The following KCNK17 variants were observed in gnomAD, a reference collection of about 807,000 sequenced individuals.
KCNK17 encodes the protein potassium two pore domain channel subfamily K member 17, also known as potassium channel subfamily K member 17.
KCNK17 carries 27 observed loss-of-function variants against 24.6 expected under a neutral mutation model. The observed-to-expected ratio is 1.10, with a 90% CI of 0.81 to 1.51. The LOEUF (loss-of-function observed/expected upper bound fraction) is 1.51. KCNK17 is among the 40% of genes most tolerant of loss of function. KCNK17 has a pLI of 0.00. For synonymous variants in KCNK17, 181 were observed against 189.8 expected (o/e 0.95, Z 0.38); for missense variants, 450 against 436.6 (o/e 1.03, Z -0.27).
intron 2 of KCNK17, among the ~76,000 whole-genome samples, chr6:39,309,843 C>T (rs546594957): frequency 1.3e-5 from 2 of 152,280 alleles, no homozygotes; most frequent in South Asian, 2.1e-4. Context: ...AAAGATGAAT[C>T]GGCCCATCCT....
intron 2 of KCNK17, among the ~76,000 whole-genome samples, chr6:39,309,256 G>A (rs147473971): frequency 0.014 from 2,091 of 152,294 alleles, 42 homozygotes; most frequent in Admixed American, 0.04. Flanking sequence ...CCTGGGAGGC[G>A]GAGGTTTCAG....
Position 39,310,888 on chromosome 6 carries a change from C to CA in KCNK17, c.352+4_352+5insT. 9 of 1,588,036 alleles carry CA rather than the reference C, an allele frequency of 5.7e-6. No homozygotes were observed. The highest frequency in any genetic ancestry group is 1.1e-5 in the South Asian group (1 of 89,414). ...CCCATCCCCCTGGCCCCATCTGGCC[C>CA]TTACCAATGGTGGTGATGGTGGACA... On this transcript the variant is annotated splice_donor_region_variant and intron_variant, in intron 2 of 4. Transcript: ENST00000373231.
intron 1 of KCNK17, among the ~76,000 whole-genome samples, chr6:39,313,550 C>A (rs1257176507): frequency 6.6e-6 from 1 of 152,226 alleles, no homozygotes; most frequent in Non-Finnish European, 1.5e-5. Flanking sequence ...CGCGCCCTCG[C>A]TCCTGCGCAT....
chr6:39,312,023 G>T (rs1180373974), intron 1 of KCNK17, among the ~76,000 whole-genome samples: 1 of 152,216 alleles, frequency 6.6e-6, no homozygotes, highest in Non-Finnish European at 1.5e-5. Flanking sequence ...GACCAGAGGG[G>T]AGAGACTCCT....
chr6:39,299,779 TC>T, intron 4 of KCNK17, 42 bp from the exon 5 acceptor site: 1 of 1,583,966 alleles, frequency 6.3e-7, no homozygotes, highest in Non-Finnish European at 8.6e-7. Context: ...CCTGGGAAAG[TC>T]AGGACCACAT....
rs1158747073 is a variant in KCNK17, at chr6:39,314,310, G to A, written c.11C>T (p.Pro4Leu). ...GCCCTCGGGAGCCGCCCGGGCTCGC[G>A]GTCGGTACATAGCGGGAGAGGCGGG... MYR[P>L]RARAAPEGRV... The change falls in exon 1 of 5, where the codon CCG (proline) becomes CTG (leucine). Residue 4 changes from proline (P) to leucine (L), a missense_variant. By Grantham distance (98) the Pro-to-Leu change is moderately conservative (BLOSUM62 -3). Transcript: ENST00000373231. The A allele has an allele frequency of 1.5e-5, 22 of 1,459,406 alleles. No homozygotes were observed. In the African/African-American group the frequency reaches 3.2e-4, roughly 21 times the overall value. 90.4% of individuals were successfully genotyped at this position (1,459,406 alleles called of 1,614,324 possible).
chr6:39,306,560 C>T (rs1762039542), intron 2 of KCNK17, among the ~76,000 whole-genome samples: 2 of 152,276 alleles, frequency 1.3e-5, no homozygotes, highest in South Asian at 2.1e-4. Flanking sequence ...GGTCACTGTG[C>T]CCACACACCC....
chr6:39,309,960 G>T (rs575747664), intron 2 of KCNK17, among the ~76,000 whole-genome samples: 1 of 152,310 alleles, frequency 6.6e-6, no homozygotes, highest in South Asian at 2.1e-4. Context: ...CTGCTTTCAA[G>T]AAGTTCTGGC....
In KCNK17 at chr6:39,311,010, G is replaced by T. The variant is rs1297772613; in HGVS notation, c.238-3C>A. 7 of 1,594,244 alleles carry T rather than the reference G, an allele frequency of 4.4e-6. No individual in the cohort carries two copies. Among genetic ancestry groups the T allele is most frequent in the South Asian group, 1.1e-5 (1 of 89,650 alleles). ...TTTTTGTATGCTTGGACGACATCCTGGGGAAGAGGCTGCAATGACCACCAG... is the reference window on the plus strand; with the variant it reads ...TTTTTGTATGCTTGGACGACATCCTTGGGAAGAGGCTGCAATGACCACCAG... On this transcript the variant is annotated splice_region_variant and splice_polypyrimidine_tract_variant and intron_variant, in intron 1 of 4. Transcript: ENST00000373231.
At chr6:39,300,780 G>C (rs1338828373) in intron 4 of KCNK17, among the ~76,000 whole-genome samples, 1 of 151,998 alleles carries the variant, frequency 6.6e-6, no homozygotes, top group Non-Finnish European at 1.5e-5. Context: ...CTGGGCTTTT[G>C]TACTTATGGC....
rs1762225793 is a variant in KCNK17 at position 39,314,290 on chromosome 6, C to T, written c.31G>A (p.Glu11Lys). The T allele has an allele frequency of 5.4e-6, 8 of 1,470,110 alleles. No individual in the cohort carries two copies. Among genetic ancestry groups the T allele is most frequent in the Middle Eastern group, 2.1e-4 (1 of 4,852 alleles). 91.1% of individuals were successfully genotyped at this position (1,470,110 alleles called of 1,614,324 possible). ...ACCGCGCAGCCCCGGACCCTGCCCT[C>T]GGGAGCCGCCCGGGCTCGCGGTCGG... MYRPRARAAP[E>K]GRVRGCAVPS... The change falls in exon 1 of 5, where the codon GAG becomes AAG. Residue 11 changes from glutamate (E) to lysine (K), a missense_variant. Coordinates refer to ENST00000373231, the MANE Select transcript of KCNK17 (RefSeq NM_031460.4).
chr6:39,314,277 C>T lies in KCNK17; in HGVS notation c.44G>A (p.Arg15Gln), dbSNP rs936039113. 3 of 1,500,940 alleles carry T rather than the reference C, an allele frequency of 2.0e-6. No homozygotes were observed. The highest frequency in any genetic ancestry group is 2.1e-5 in the Admixed American group (1 of 47,304). The allele number at this position is 1,500,940 out of a possible 1,614,324, so 93.0% of individuals were successfully genotyped here. A position where few individuals can be genotyped will look rare whatever the true frequency, so the allele number is the denominator to read the frequency against. ...RARAAPEGRV[R>Q]GCAVPSTVLL... ...CACGGTGCTGGGCACCGCGCAGCCCCGGACCCTGCCCTCGGGAGCCGCCCG... is the reference window on the plus strand; with the variant it reads ...CACGGTGCTGGGCACCGCGCAGCCCTGGACCCTGCCCTCGGGAGCCGCCCG... Residue 15 changes from arginine (R) to glutamine (Q), a missense_variant, in exon 1 of 5, where the codon CGG (arginine) becomes CAG (glutamine). Transcript: ENST00000373231.
In KCNK17 at chr6:39,304,550, T is replaced by C. The variant is rs745535456; in HGVS notation, c.458A>G (p.His153Arg). ...LNLVVLNRLG[H>R]LMQQGVNHWA... is the part of the protein sequence containing the mutation. ...GTGGTTTACTCCCTGCTGCATGAGATGCCCCAGTCGGTTGAGCACCACGAG... is the reference window on the plus strand; with the variant it reads ...GTGGTTTACTCCCTGCTGCATGAGACGCCCCAGTCGGTTGAGCACCACGAG... Residue 153 changes from histidine (H) to arginine (R), a missense_variant, in exon 3 of 5, where the codon CAT becomes CGT. Physicochemically the swap from His to Arg is conservative, Grantham distance 29 (BLOSUM62 0). Coordinates refer to ENST00000373231, the MANE Select transcript of KCNK17 (RefSeq NM_031460.4). 1.2e-5 allele frequency: 20 copies of C among 1,614,010 alleles called. No homozygotes were observed. The highest frequency in any genetic ancestry group is 3.3e-5 in the South Asian group (3 of 91,086).
chr6:39,314,306 T>A lies in KCNK17; in HGVS notation c.15A>T (p.Arg5=). 6.9e-7 allele frequency: 1 copy of A among 1,458,238 alleles called. No homozygotes were observed. The highest frequency in any genetic ancestry group is 9.0e-7 in the Non-Finnish European group (1 of 1,109,140). The allele number at this position is 1,458,238 out of a possible 1,614,324, so 90.3% of individuals were successfully genotyped here. A position where few individuals can be genotyped will look rare whatever the true frequency, so the allele number is the denominator to read the frequency against. Residue 5 remains arginine (R), a synonymous_variant, in exon 1 of 5, where the codon CGA becomes CGT. Coordinates refer to ENST00000373231, the MANE Select transcript of KCNK17 (RefSeq NM_031460.4). ...CCCTGCCCTCGGGAGCCGCCCGGGC[T>A]CGCGGTCGGTACATAGCGGGAGAGG... is the stretch of plus-strand genomic sequence containing the variant. MYRP[R]ARAAPEGRVR... is the part of the protein sequence containing the mutation.
Position 39,308,313 on chromosome 6 carries a change from C to T in KCNK17, c.352+2580G>A, listed in dbSNP as rs150942011. On this transcript the variant is annotated intron_variant, in intron 2 of 4. Transcript: ENST00000373231. ...GTATGTATGTACTTATCTTTTGAGG[C>T]AGAGTCTTGCTCTATTGCCTAGGCT... Among the ~76,000 whole-genome samples the T allele has an allele frequency of 6.6e-5, 10 of 152,348 alleles. No individual in the cohort carries two copies. The East Asian group carries it at 9.7e-4, about 15-fold the overall frequency.
chr6:39,305,759 C>T (rs367902355), intron 2 of KCNK17, among the ~76,000 whole-genome samples: 5 of 152,148 alleles, frequency 3.3e-5, no homozygotes, highest in Non-Finnish European at 5.9e-5. Context: ...CTGGTGCCCC[C>T]GCTTCCCCAG....
At position 39,314,109 on chromosome 6, in the gene KCNK17, C is replaced by T. The variant is rs1472147073; in HGVS notation, c.212G>A (p.Arg71His). The change falls in exon 1 of 5, where the codon CGC (arginine) becomes CAC (histidine). Residue 71 changes from arginine (R) to histidine (H), a missense_variant. Physicochemically the swap from Arg to His is conservative, Grantham distance 29 (BLOSUM62 0). Coordinates refer to ENST00000373231, the MANE Select transcript of KCNK17 (RefSeq NM_031460.4). The part of the protein sequence containing the change: ...ELLQNFTCLD[R>H]PALDSLIRDV... ...CCGGATCAGCGAGTCCAGCGCCGGG[C>T]GGTCCAGACACGTGAAGTTCTGCAA... The T allele has an allele frequency of 6.3e-7, 1 of 1,589,904 alleles. No individual in the cohort carries two copies. The highest frequency in any genetic ancestry group is 1.7e-5 in the Admixed American group (1 of 58,856).
chr6:39,304,049 A>G lies in KCNK17; in HGVS notation c.596T>C (p.Leu199Pro). The change falls in exon 4 of 5, where the codon CTC becomes CCC. Residue 199 changes from leucine (L) to proline (P), a missense_variant. Physicochemically the swap from Leu to Pro is moderately conservative, Grantham distance 98 (BLOSUM62 -3). Coordinates refer to ENST00000373231, the MANE Select transcript of KCNK17 (RefSeq NM_031460.4). ...LLLFLLLPPL[L>P]FSHMEGWSYT... ...GCTCCAGCCCTCCATGTGGGAGAAG[A>G]GCAGCGGTGGCAGCAGCAGGAAGAG... 6.2e-7 allele frequency: 1 copy of G among 1,613,762 alleles called. No homozygotes were observed. The highest frequency in any genetic ancestry group is 8.5e-7 in the Non-Finnish European group (1 of 1,179,982).
At chr6:39,300,285 G>A (rs1223142681) in intron 4 of KCNK17, 1 of 595,156 alleles carries the variant, frequency 1.7e-6, no homozygotes, top group Non-Finnish European at 3.0e-6. Context: ...GCCACGCCCG[G>A]CTATTTTTTT....
Sources: allele counts gnomAD v4.1 joint callset (sites outside exome capture counted in the v4.1 genomes callset), GRCh38; gene constraint gnomAD v4.1.1; transcripts MANE v1.5; gene names NCBI Gene and HGNC (gene_info 2026-07-23, HGNC 2026-07-21).